Variants in LRSAM1 observed in about 807,000 individuals in gnomAD.
The protein encoded by LRSAM1 is leucine rich repeat and sterile alpha motif containing 1.
LRSAM1 carries 96 observed loss-of-function variants against 118.1 expected under a neutral mutation model. The ratio of observed to expected loss-of-function variants is 0.81; its 90% confidence interval spans 0.69 to 0.96. The LOEUF (loss-of-function observed/expected upper bound fraction) is 0.96. LRSAM1 is among the 40% of genes least tolerant of loss of function. The pLI, the probability that LRSAM1 is intolerant of heterozygous loss-of-function variation, is 0.00. For missense variants in LRSAM1, 804 were observed against 915.5 expected (o/e 0.88, Z 1.57); for synonymous variants, 322 against 364.2 (o/e 0.88, Z 1.32).
chr9:127,496,187 T>C lies in LRSAM1; in HGVS notation c.1830+92T>C, dbSNP rs1836137442. 6.4e-6 allele frequency: 10 copies of C among 1,551,908 alleles called. No individual in the cohort carries two copies. The South Asian group carries it at 9.3e-5, about 14-fold the overall frequency. On this transcript the variant is annotated intron_variant, in intron 23 of 25. Coordinates refer to ENST00000300417, the MANE Select transcript of LRSAM1 (RefSeq NM_001005373.4). ...TGATCTGCTCCTTGTGTAGTCCTCG[T>C]TGAGGCCTGTCCTTACCTAATGGCC...
chr9:127,466,505 T>TATATATACA (rs61032058), intron 9 of LRSAM1, among the ~76,000 whole-genome samples: 13 of 18,992 alleles, frequency 6.8e-4, no homozygotes, highest in African/African-American at 2.7e-3. Flanking sequence ...TATATATATA[T>TATATATACA]TTTTTTTTTT....
At chr9:127,454,400 A>T in intron 2 of LRSAM1, 96 bp from the exon 3 acceptor site, 2 of 913,590 alleles carry the variant, frequency 2.2e-6, no homozygotes, top group Non-Finnish European at 3.5e-6. Flanking sequence ...ATGGTCCAGC[A>T]GACCAGCTGC....
chr9:127,499,517 C>T (rs1836287137), intron 24 of LRSAM1, among the ~76,000 whole-genome samples: 1 of 128,964 alleles, frequency 7.8e-6, no homozygotes, highest in Non-Finnish European at 1.7e-5. Flanking sequence ...GGTGACAGAG[C>T]AAGACCCTGT....
chr9:127,458,245 G>C (rs979819092), intron 6 of LRSAM1, among the ~76,000 whole-genome samples: 1 of 151,942 alleles, frequency 6.6e-6, no homozygotes, highest in Admixed American at 6.6e-5. Context: ...AGCCGGGCGC[G>C]GTGGCGGGCG....
Position 127,501,152 on chromosome 9 carries a change from G to T in LRSAM1, c.2046+9G>T. 2 of 1,611,682 alleles carry T rather than the reference G, an allele frequency of 1.2e-6. No homozygotes were observed. Among genetic ancestry groups the T allele is most frequent in the East Asian group, 2.2e-5 (1 of 44,812 alleles). ...TGTGCCTGGAACGGGAGGTAAGTCC[G>T]GGGCCCTCCCCACCCGCCTGCCCTG... On this transcript the variant is annotated intron_variant, in intron 25 of 25. Coordinates refer to ENST00000300417, the MANE Select transcript of LRSAM1 (RefSeq NM_001005373.4).
At chr9:127,457,968 CTT>C (rs147717838) in intron 6 of LRSAM1, among the ~76,000 whole-genome samples, 1 of 144,744 alleles carries the variant, frequency 6.9e-6, no homozygotes, top group African/African-American at 2.5e-5. Context: ...TGCTTTCTTT[CTT>C]TTTTTTTTTT....
At chr9:127,500,890 C>A in intron 24 of LRSAM1, 120 bp from the exon 25 acceptor site, 1 of 1,391,938 alleles carries the variant, frequency 7.2e-7, no homozygotes. Flanking sequence ...GATCTGAGAG[C>A]AGAGGCTCCC....
chr9:127,457,291 C>G (rs752926906), intron 5 of LRSAM1, 25 bp from the exon 6 acceptor site: 2 of 1,613,500 alleles, frequency 1.2e-6, no homozygotes, highest in Non-Finnish European at 8.5e-7. Flanking sequence ...CTCAGCCCAG[C>G]ATGGCCGCAC....
At chr9:127,452,656 T>C (rs552015477) in intron 2 of LRSAM1, among the ~76,000 whole-genome samples, 2 of 152,198 alleles carry the variant, frequency 1.3e-5, no homozygotes, top group Non-Finnish European at 2.9e-5. Context: ...TGGATCCTCA[T>C]AGAAGCCAGT....
Position 127,455,602 on chromosome 9 carries a change from C to G in LRSAM1, c.156C>G (p.Cys52Trp). The change falls in exon 5 of 26, where the codon TGC (cysteine) becomes TGG (tryptophan). Residue 52 changes from cysteine to tryptophan, a missense_variant. Transcript: ENST00000300417. ...TTCCATTTGGAGCTTTTGCAACATG[C>G]AAAGTTCTGCAGAAGAAGGTAAGAT... Reference protein sequence around the residue: ...SEIPFGAFATCKVLQKKVLIV... With the variant: ...SEIPFGAFATWKVLQKKVLIV... 1 of 1,613,848 alleles carries G rather than the reference C, an allele frequency of 6.2e-7. No homozygotes were observed. Among genetic ancestry groups the G allele is most frequent in the Non-Finnish European group, 8.5e-7 (1 of 1,180,016 alleles).
In LRSAM1 at chr9:127,487,710, C is replaced by T. The variant is rs1835782679; in HGVS notation, c.1294C>T (p.Leu432=). The T allele has an allele frequency of 1.2e-6, 2 of 1,613,846 alleles. No individual in the cohort carries two copies. Among genetic ancestry groups the T allele is most frequent in the Non-Finnish European group, 1.7e-6 (2 of 1,179,926 alleles). The change falls in exon 18 of 26, where the codon CTG becomes TTG. Residue 432 remains leucine, a synonymous_variant. Transcript: ENST00000300417. ...AEMDERFQQI[L]SWQQMDQNKA... ...AATGGATGAACGATTCCAGCAGATT[C>T]TGTCGTGGCAGCAAATGGATCAGAA...
At chr9:127,458,871 G>T in intron 6 of LRSAM1, 132 bp from the exon 7 acceptor site, 1 of 784,654 alleles carries the variant, frequency 1.3e-6, no homozygotes, top group East Asian at 2.5e-5. Flanking sequence ...AACACTGAGT[G>T]GGAAAGGAGT....
chr9:127,452,464 T>C (rs1834359579), intron 2 of LRSAM1, among the ~76,000 whole-genome samples: 1 of 152,150 alleles, frequency 6.6e-6, no homozygotes, highest in Admixed American at 6.5e-5. Context: ...TCTTTGCCCA[T>C]CCCTCTGAGG....
At chr9:127,461,326 G>T in intron 8 of LRSAM1, 69 bp downstream of exon 8, 1 of 1,443,732 alleles carries the variant, frequency 6.9e-7, no homozygotes, top group South Asian at 1.1e-5. Context: ...GGGATCCACA[G>T]GCTGCCCCGC....
At chr9:127,482,549 G>C (rs892350797) in intron 15 of LRSAM1, among the ~76,000 whole-genome samples, 10 of 152,282 alleles carry the variant, frequency 6.6e-5, no homozygotes, top group African/African-American at 2.2e-4. Flanking sequence ...GTGTAGGAAA[G>C]TGCCCATTTC....
In LRSAM1 at chr9:127,479,255, A is replaced by C. The variant is rs563824516; in HGVS notation, c.781-128A>C. On this transcript the variant is annotated intron_variant, in intron 12 of 25. Coordinates refer to ENST00000300417, the MANE Select transcript of LRSAM1 (RefSeq NM_001005373.4). ...TTCTTACAGTTGGGCCCTGGAGGGGAGTGGGGGTTGCTCAGCATGAAGACC... is the reference window on the plus strand; with the variant it reads ...TTCTTACAGTTGGGCCCTGGAGGGGCGTGGGGGTTGCTCAGCATGAAGACC... 8.9e-6 allele frequency: 12 copies of C among 1,345,574 alleles called. No individual in the cohort carries two copies. In the East Asian group the frequency reaches 2.6e-4, roughly 30 times the overall value. 83.4% of individuals were successfully genotyped at this position (1,345,574 alleles called of 1,614,324 possible).
At chr9:127,470,539 A>G (rs1368811343) in intron 10 of LRSAM1, among the ~76,000 whole-genome samples, 15 of 152,228 alleles carry the variant, frequency 9.9e-5, no homozygotes, top group African/African-American at 3.6e-4. Context: ...ATGCATATGA[A>G]TAAATGCCAA....
At chr9:127,482,198 A>G (rs1052142318) in intron 15 of LRSAM1, among the ~76,000 whole-genome samples, 5 of 140,106 alleles carry the variant, frequency 3.6e-5, no homozygotes, top group African/African-American at 1.4e-4. Flanking sequence ...GCTGGAGTGC[A>G]GTGGCACGAT....
intron 17 of LRSAM1, chr9:127,487,400 G>A (rs368327212): frequency 3.8e-5 from 15 of 397,226 alleles, no homozygotes; most frequent in African/African-American, 8.3e-5. Context: ...ATCCACTTCC[G>A]GGGGGTGCTG....
Sources: allele counts gnomAD v4.1 joint callset (sites outside exome capture counted in the v4.1 genomes callset), GRCh38; gene constraint gnomAD v4.1.1; transcripts MANE v1.5; gene names NCBI Gene and HGNC (gene_info 2026-07-23, HGNC 2026-07-21).